Variants in UNC13B observed in about 807,000 individuals in gnomAD.
UNC13B encodes the protein unc-13 homolog B, also known as protein unc-13 homolog B.
Under a neutral mutation model 211.0 loss-of-function variants are expected in UNC13B, and 144 were observed. The observed-to-expected ratio is 0.68, with a 90% CI of 0.60 to 0.78. UNC13B has a LOEUF of 0.78. Ranked by LOEUF, UNC13B falls within the 30% of genes least tolerant of loss-of-function variation. The probability of loss-of-function intolerance (pLI) is 0.00; values close to 1 mark genes in which losing one functional copy is unlikely to be tolerated. For missense variants in UNC13B, 1,777 were observed against 2,002.0 expected (o/e 0.89, Z 2.14); for synonymous variants, 709 against 725.8 (o/e 0.98, Z 0.37).
At chr9:35,366,188 T>C (rs1042976038) in intron 11 of UNC13B, among the ~76,000 whole-genome samples, 1 of 152,234 alleles carries the variant, frequency 6.6e-6, no homozygotes, top group South Asian at 2.1e-4. Context: ...TCTGGAGCAC[T>C]CTGGCAGCTT....
chr9:35,273,510 A>G (rs1212757478), intron 7 of UNC13B, among the ~76,000 whole-genome samples: 3 of 152,132 alleles, frequency 2.0e-5, no homozygotes, highest in Non-Finnish European at 2.9e-5. Flanking sequence ...TACTCCTCTT[A>G]TAGCCTCTTA....
intron 7 of UNC13B, among the ~76,000 whole-genome samples, chr9:35,269,709 T>C (rs1026852320): frequency 3.3e-5 from 5 of 152,184 alleles, no homozygotes; most frequent in Non-Finnish European, 7.4e-5. Flanking sequence ...GACAGTCTTA[T>C]CCCTATCACT....
At position 35,302,737 on chromosome 9, in the gene UNC13B, C is replaced by T. The variant is rs967274057; in HGVS notation, c.3333C>T (p.Asp1111=). The part of the protein sequence containing the change: ...LIQAASSVAS[D]SSLECISTTS... ...AAGCAGCATCTTCAGTAGCATCAGA[C>T]TCTTCATTAGAGTGTATTTCTACCA... Residue 1111 remains aspartate, a synonymous_variant, in exon 9 of 40, where the codon GAC becomes GAT. Coordinates refer to ENST00000635942, the MANE Select transcript of UNC13B (RefSeq NM_001371189.2). 2.5e-6 allele frequency: 1 copy of T among 398,498 alleles called. No homozygotes were observed. Among genetic ancestry groups the T allele is most frequent in the Non-Finnish European group, 4.4e-6 (1 of 225,740 alleles). The allele number at this position is 398,498 out of a possible 1,614,324, so 24.7% of individuals were successfully genotyped here. A position where few individuals can be genotyped will look rare whatever the true frequency, so the allele number is the denominator to read the frequency against.
intron 6 of UNC13B, among the ~76,000 whole-genome samples, chr9:35,253,824 A>G (rs1422621666): frequency 2.6e-5 from 4 of 152,130 alleles, no homozygotes; most frequent in Admixed American, 1.3e-4. Flanking sequence ...GTATATCTGG[A>G]AGGATAGTTG....
chr9:35,291,219 CCTA>C, intron 7 of UNC13B: 1 of 1,012,890 alleles, frequency 9.9e-7, no homozygotes, highest in South Asian at 1.6e-5. Flanking sequence ...CCTCTCCTCT[CCTA>C]CTTAAATATC....
chr9:35,300,524 A>T lies in UNC13B; in HGVS notation c.1120A>T (p.Thr374Ser), dbSNP rs150252340. The change falls in exon 9 of 40, where the codon ACT becomes TCT. Residue 374 changes from threonine (T) to serine (S), a missense_variant. Transcript: ENST00000635942. ...CTCATTAGATATTCTTGAAGATTCT[A>T]CTAGTAGTACTTCTGATGAACTTCT... ...FTSLDILEDS[T>S]SSTSDELLGS... The T allele has an allele frequency of 2.5e-6, 1 of 399,026 alleles. No individual in the cohort carries two copies. The highest frequency in any genetic ancestry group is 3.6e-5 in the East Asian group (1 of 28,064). The allele number at this position is 399,026 out of a possible 1,614,324, so 24.7% of individuals were successfully genotyped here. A position where few individuals can be genotyped will look rare whatever the true frequency, so the allele number is the denominator to read the frequency against.
chr9:35,401,872 A>C (rs1836319976), intron 37 of UNC13B: 1 of 1,379,860 alleles, frequency 7.2e-7, no homozygotes, highest in Non-Finnish European at 1.0e-6. Flanking sequence ...AATGGCTGTT[A>C]ACTCCTTAGA....
intron 20 of UNC13B, 46 bp downstream of exon 20, chr9:35,381,765 G>T: frequency 6.3e-7 from 1 of 1,599,168 alleles, no homozygotes; most frequent in South Asian, 1.1e-5. Context: ...AATCACTGGG[G>T]TGGCTAATTA....
chr9:35,382,537 A>G (rs1418902448), intron 21 of UNC13B, 30 bp downstream of exon 21: 3 of 1,565,820 alleles, frequency 1.9e-6, no homozygotes, highest in African/African-American at 1.4e-5. Context: ...ATATGTCTGC[A>G]TTTGTTACCA....
chr9:35,257,454 G>A (rs1044335515), intron 6 of UNC13B, among the ~76,000 whole-genome samples: 7 of 142,938 alleles, frequency 4.9e-5, no homozygotes, highest in Admixed American at 1.4e-4. Flanking sequence ...GGTGGCTCAC[G>A]CCTGTAATCC....
chr9:35,329,677 TG>T (rs1015067854), intron 11 of UNC13B, among the ~76,000 whole-genome samples: 6 of 151,924 alleles, frequency 3.9e-5, no homozygotes, highest in Non-Finnish European at 7.4e-5. Context: ...TTTGTGGAGA[TG>T]GGGTTTCTCT....
intron 1 of UNC13B, among the ~76,000 whole-genome samples, chr9:35,165,410 AT>A (rs535456762): frequency 0.23 from 31,519 of 136,522 alleles, 3,192 homozygotes; most frequent in African/African-American, 0.27. Flanking sequence ...ATTGACTTGA[AT>A]TTTTTTTTTT....
intron 1 of UNC13B, among the ~76,000 whole-genome samples, chr9:35,173,043 T>G (rs1396265346): frequency 6.6e-6 from 1 of 152,226 alleles, no homozygotes; most frequent in African/African-American, 2.4e-5. Flanking sequence ...AACTGTTTGC[T>G]TTATTGATTT....
chr9:35,304,469 C>A lies in UNC13B; in HGVS notation c.5065C>A (p.His1689Asn), dbSNP rs1829833814. ...AAATCAGCCCCAAACTATTAGTAAT[C>A]ATGTCTCAAGCAGAGATCAAATTAT... ...LRNQPQTISN[H>N]VSSRDQIIER... is the part of the protein sequence containing the mutation. Residue 1689 changes from histidine to asparagine, a missense_variant, in exon 9 of 40, where the codon CAT becomes AAT. Transcript: ENST00000635942. 1.0e-5 allele frequency: 4 copies of A among 398,438 alleles called. No individual in the cohort carries two copies. Among genetic ancestry groups the A allele is most frequent in the African/African-American group, 6.2e-5 (3 of 48,536 alleles). The allele number at this position is 398,438 out of a possible 1,614,324, so 24.7% of individuals were successfully genotyped here.
At chr9:35,269,957 C>T (rs1827781981) in intron 7 of UNC13B, among the ~76,000 whole-genome samples, 1 of 151,894 alleles carries the variant, frequency 6.6e-6, no homozygotes, top group South Asian at 2.1e-4. Flanking sequence ...TTCTTTGATG[C>T]TCAAATTGTC....
intron 5 of UNC13B, among the ~76,000 whole-genome samples, chr9:35,241,412 T>C (rs143053525): frequency 7.9e-5 from 12 of 152,262 alleles, no homozygotes; most frequent in African/African-American, 2.6e-4. Context: ...TTAAAACTAT[T>C]TTTGTGGAAT....
intron 11 of UNC13B, among the ~76,000 whole-genome samples, chr9:35,333,972 T>TTG (rs1554704546): frequency 2.0e-5 from 3 of 151,996 alleles, no homozygotes; most frequent in African/African-American, 7.2e-5. Context: ...TTGTTTTTTT[T>TTG]TTTGTTTTTT....
chr9:35,170,417 C>T (rs1021778704), intron 1 of UNC13B, among the ~76,000 whole-genome samples: 6 of 152,176 alleles, frequency 3.9e-5, no homozygotes, highest in East Asian at 3.9e-4. Context: ...CTGCCCACTG[C>T]GGCCTCCCAA....
intron 11 of UNC13B, 23 bp from the exon 12 acceptor site, chr9:35,366,924 T>G (rs1188450766): frequency 6.2e-7 from 1 of 1,609,962 alleles, no homozygotes; most frequent in African/African-American, 1.3e-5. Context: ...AGGATCTAAC[T>G]TGTTTCCTAT....
Sources: allele counts gnomAD v4.1 joint callset (sites outside exome capture counted in the v4.1 genomes callset), GRCh38; gene constraint gnomAD v4.1.1; transcripts MANE v1.5; gene names NCBI Gene and HGNC (gene_info 2026-07-23, HGNC 2026-07-21).